Variants in INSR observed in about 807,000 individuals in gnomAD.
The protein encoded by INSR is insulin receptor, also known as IR.
Under a neutral mutation model 142.6 loss-of-function variants are expected in INSR, and 67 were observed. The ratio of observed to expected loss-of-function variants is 0.47; its 90% CI spans 0.39 to 0.58. INSR has a LOEUF of 0.58. Among genes scored for constraint, INSR ranks in the 20% least tolerant of loss-of-function variants. The pLI is 0.00. For missense variants in INSR, 1,248 were observed against 1,833.2 expected, an observed-to-expected ratio of 0.68 and a Z score of 5.83; for synonymous variants, 756 against 743.1, an observed-to-expected ratio of 1.02 and a Z score of -0.28.
In INSR at chr19:7,207,149, T is replaced by A. The variant is rs563243696; in HGVS notation, c.653-22512A>T. On this transcript the variant is annotated intron_variant, in intron 2 of 21. Transcript: ENST00000302850. The stretch of plus-strand genomic sequence containing the variant: ...TGAGACCCGTGGCCAGGCACGGTGG[T>A]TCACGCCTGTAACCCCAGCACTTTG... 1.2e-4 allele frequency among the ~76,000 whole-genome samples: 18 copies of A among 152,098 alleles called. No individual in the cohort carries two copies. In the East Asian group the frequency reaches 3.5e-3, roughly 29 times the overall value.
chr19:7,292,719 C>T (rs1968529316), intron 1 of INSR, among the ~76,000 whole-genome samples: 1 of 152,124 alleles, frequency 6.6e-6, no homozygotes, highest in African/African-American at 2.4e-5. Context: ...GTGGGAAACC[C>T]AGGCTATATT....
chr19:7,193,139 A>T (rs1371742608), intron 2 of INSR, among the ~76,000 whole-genome samples: 1 of 149,232 alleles, frequency 6.7e-6, no homozygotes, highest in Admixed American at 6.7e-5. Context: ...TTTTCCCCAG[A>T]TGGAGTCTCA....
At chr19:7,229,994 G>A (rs532555268) in intron 2 of INSR, among the ~76,000 whole-genome samples, 11 of 152,018 alleles carry the variant, frequency 7.2e-5, no homozygotes, top group Middle Eastern at 3.4e-3. Flanking sequence ...GTCTTGCTGT[G>A]TTGTCCAGGC....
At chr19:7,286,132 A>G (rs1255227996) in intron 1 of INSR, among the ~76,000 whole-genome samples, 1 of 151,768 alleles carries the variant, frequency 6.6e-6, no homozygotes, top group African/African-American at 2.4e-5. Flanking sequence ...GGTGCTCACC[A>G]CTGTATCTGG....
At chr19:7,153,186 CCACA>C (rs140195352) in intron 9 of INSR, among the ~76,000 whole-genome samples, 1 of 26,010 alleles carries the variant, frequency 3.8e-5, no homozygotes, top group Admixed American at 4.4e-4. Context: ...AAACACACAA[CCACA>C]CACACACCAC....
chr19:7,154,270 A>G (rs919789851), intron 9 of INSR, among the ~76,000 whole-genome samples: 1 of 150,708 alleles, frequency 6.6e-6, no homozygotes, highest in Non-Finnish European at 1.5e-5. Context: ...AGCTTTTGCT[A>G]TTAAAAGTAA....
In INSR at chr19:7,253,780, A is replaced by G. The variant is rs79081732; in HGVS notation, c.652+13565T>C. 9.9e-3 allele frequency among the ~76,000 whole-genome samples: 1,500 copies of G among 152,054 alleles called. 67 individuals carry two copies. The East Asian group carries it at 0.15, about 15-fold the overall frequency. ...GTGGTGGCTCACGCCTGTCATCCCA[A>G]CACTTTGGGAGGCTGAGGCTGGTGG... On this transcript the variant is annotated intron_variant, in intron 2 of 21. Transcript: ENST00000302850.
At chr19:7,135,585 GAA>G in intron 13 of INSR, among the ~76,000 whole-genome samples, 1 of 147,862 alleles carries the variant, frequency 6.8e-6, no homozygotes, top group African/African-American at 2.5e-5. Context: ...CTCTGTCTCT[GAA>G]AAAAAAAATT....
chr19:7,172,902 C>T (rs572910017), intron 4 of INSR, among the ~76,000 whole-genome samples: 2 of 152,070 alleles, frequency 1.3e-5, no homozygotes, highest in Admixed American at 1.3e-4. Flanking sequence ...AATAGCAACC[C>T]CTGTTAGTCT....
At chr19:7,247,611 G>C (rs770789639) in intron 2 of INSR, among the ~76,000 whole-genome samples, 5 of 152,104 alleles carry the variant, frequency 3.3e-5, no homozygotes, top group Non-Finnish European at 5.9e-5. Flanking sequence ...TCGAAAGAGG[G>C]GATATACCAG....
At chr19:7,128,463 C>T (rs1972698447) in intron 15 of INSR, among the ~76,000 whole-genome samples, 1 of 152,116 alleles carries the variant, frequency 6.6e-6, no homozygotes, top group Non-Finnish European at 1.5e-5. Flanking sequence ...ATTCACCCGC[C>T]TTGGCCTCCC....
chr19:7,222,858 A>C (rs36106108), intron 2 of INSR, among the ~76,000 whole-genome samples: 1 of 152,140 alleles, frequency 6.6e-6, no homozygotes, highest in South Asian at 2.1e-4. Context: ...GCTCCCTTGC[A>C]AAAAAGGCAA....
At chr19:7,148,940 G>A (rs1450957469) in intron 11 of INSR, among the ~76,000 whole-genome samples, 3 of 149,796 alleles carry the variant, frequency 2.0e-5, no homozygotes, top group Admixed American at 1.3e-4. Context: ...GACTACAGGC[G>A]TGTGTCACCA....
At position 7,174,770 on chromosome 19, in the gene INSR, A is replaced by AG. The variant is rs781113174; in HGVS notation, c.975-40dup. 38 of 1,600,766 alleles carry AG rather than the reference A, an allele frequency of 2.4e-5. 1 individual carries two copies. Among genetic ancestry groups the AG allele is most frequent in the Admixed American group, 2.1e-4 (12 of 58,320 alleles). ...AGAGAGAGAGAGAAAGAGAAAGGGG[A>AG]GGGGGGTGTCACGGTATCCAAGGTC... On this transcript the variant is annotated intron_variant, in intron 3 of 21. Coordinates refer to ENST00000302850, the MANE Select transcript of INSR (RefSeq NM_000208.4).
chr19:7,151,162 C>CTTTCTCTTTCTT (rs1359040007), intron 10 of INSR, among the ~76,000 whole-genome samples: 56 of 45,892 alleles, frequency 1.2e-3, no homozygotes, highest in African/African-American at 2.7e-3. Flanking sequence ...TTCTTTCTTT[C>CTTTCTCTTTCTT]TCTTTCTTTC....
At chr19:7,173,954 T>C (rs1164925656) in intron 4 of INSR, among the ~76,000 whole-genome samples, 1 of 151,812 alleles carries the variant, frequency 6.6e-6, no homozygotes, top group Non-Finnish European at 1.5e-5. Context: ...CAGCCTGCAG[T>C]TCTGCAATAG....
chr19:7,281,267 C>T lies in INSR; in HGVS notation c.100+12525G>A, dbSNP rs561633528. Among the ~76,000 whole-genome samples, 4 of 152,196 alleles carry T rather than the reference C, an allele frequency of 2.6e-5. No individual in the cohort carries two copies. The South Asian group carries it at 8.3e-4, about 32-fold the overall frequency. ...TAATTAGGAGGGAACATATGAGGTC[C>T]TCCCTTTTCTGATCTTCTGCAAGGA... On this transcript the variant is annotated intron_variant, in intron 1 of 21. Transcript: ENST00000302850.
At chr19:7,154,678 C>A (rs1441838780) in intron 9 of INSR, among the ~76,000 whole-genome samples, 2 of 151,478 alleles carry the variant, frequency 1.3e-5, no homozygotes, top group Non-Finnish European at 2.9e-5. Flanking sequence ...AATCCCAGCA[C>A]TTTGGGAGGC....
chr19:7,268,177 G>A (rs1967799091), intron 1 of INSR, among the ~76,000 whole-genome samples: 1 of 152,114 alleles, frequency 6.6e-6, no homozygotes, highest in Non-Finnish European at 1.5e-5. Context: ...TCGGGACAAT[G>A]GGATTACAGG....
Sources: gnomAD v4.1 joint callset for allele counts (sites outside exome capture counted in the v4.1 genomes callset) on GRCh38, gnomAD v4.1.1 for gene constraint, MANE v1.5 for transcripts, NCBI Gene and HGNC (gene_info 2026-07-23, HGNC 2026-07-21) for gene names.